TMTC3: variants seen among roughly 807,000 people sequenced by gnomAD.
The protein encoded by TMTC3 is protein O-mannosyl-transferase TMTC3.
Under a neutral mutation model 92.2 loss-of-function variants are expected in TMTC3, and 52 were observed. The observed-to-expected ratio is 0.56, with a 90% CI of 0.45 to 0.71. The LOEUF (loss-of-function observed/expected upper bound fraction) is 0.71. TMTC3 is among the 30% of genes least tolerant of loss of function. The pLI is 0.00. For missense variants in TMTC3, 896 were observed against 1,057.1 expected (o/e 0.85, Z 2.11); for synonymous variants, 339 against 363.3 (o/e 0.93, Z 0.76).
At chr12:88,148,617 A>G in intron 2 of TMTC3, 113 bp downstream of exon 2, 1 of 799,774 alleles carries the variant, frequency 1.3e-6, no homozygotes, top group Non-Finnish European at 1.9e-6. Context: ...ACAGATTTTT[A>G]ACCCTAAAAT....
intron 10 of TMTC3, among the ~76,000 whole-genome samples, chr12:88,184,866 TA>T (rs2041358628): frequency 6.6e-6 from 1 of 151,994 alleles, no homozygotes; most frequent in Non-Finnish European, 1.5e-5. Context: ...ATAAAAGCTA[TA>T]AAAAGGGCAT....
intron 10 of TMTC3, among the ~76,000 whole-genome samples, chr12:88,185,721 A>T (rs28705052): frequency 0.12 from 18,095 of 148,188 alleles, 2,014 homozygotes; most frequent in African/African-American, 0.29. Flanking sequence ...GCCTTTCTTA[A>T]TTCTTCATTT....
intron 1 of TMTC3, among the ~76,000 whole-genome samples, chr12:88,143,040 C>T (rs1477150910): frequency 1.3e-5 from 2 of 152,090 alleles, no homozygotes; most frequent in Admixed American, 6.5e-5. Context: ...AAGTTTTGCT[C>T]ATCCTGCTCG....
At chr12:88,192,028 C>CTTTTTTTTTTTTTTTT (rs112229647) in intron 12 of TMTC3, among the ~76,000 whole-genome samples, 1 of 123,032 alleles carries the variant, frequency 8.1e-6, no homozygotes, top group African/African-American at 3.0e-5. Flanking sequence ...TTTTTTTTTT[C>CTTTTTTTTTTTTTTTT]TTTTTTTTTT....
intron 7 of TMTC3, among the ~76,000 whole-genome samples, chr12:88,166,815 C>A (rs1003753756): frequency 6.6e-6 from 1 of 152,066 alleles, no homozygotes; most frequent in African/African-American, 2.4e-5. Flanking sequence ...CTAGATTATA[C>A]ACTTTTTGAA....
chr12:88,146,117 T>G (rs2040870234), intron 1 of TMTC3, among the ~76,000 whole-genome samples: 1 of 152,176 alleles, frequency 6.6e-6, no homozygotes, highest in Non-Finnish European at 1.5e-5. Flanking sequence ...CGTCTGCCTA[T>G]GCCTTTGTGT....
At chr12:88,153,817 T>C (rs1425269649) in intron 3 of TMTC3, among the ~76,000 whole-genome samples, 1 of 152,054 alleles carries the variant, frequency 6.6e-6, no homozygotes, top group Non-Finnish European at 1.5e-5. Flanking sequence ...ATGAACAAGA[T>C]TTCTAAGGAC....
Position 88,166,461 on chromosome 12 carries a change from C to T in TMTC3, c.929C>T (p.Pro310Leu), listed in dbSNP as rs2041144831. Residue 310 changes from proline to leucine, a missense_variant, in exon 7 of 14, where the codon CCA (proline) becomes CTA (leucine). By Grantham distance (98) the Pro-to-Leu change is moderately conservative (BLOSUM62 -3). Transcript: ENST00000266712. ...TGTGATTGGACCATGGGAACAATAC[C>T]ACTTATAGAGTCATTACTAGATATT... ...LCCDWTMGTI[P>L]LIESLLDIRN... is the part of the protein sequence containing the mutation. The T allele has an allele frequency of 6.2e-7, 1 of 1,613,630 alleles. No individual in the cohort carries two copies. Among genetic ancestry groups the T allele is most frequent in the South Asian group, 1.1e-5 (1 of 91,074 alleles).
At chr12:88,187,426 T>C (rs1025248250) in intron 10 of TMTC3, among the ~76,000 whole-genome samples, 4 of 152,192 alleles carry the variant, frequency 2.6e-5, no homozygotes, top group African/African-American at 9.6e-5. Context: ...TATGTTTTGA[T>C]GGACCTAGGT....
chr12:88,173,940 G>A (rs1216064692), intron 8 of TMTC3, among the ~76,000 whole-genome samples: 1 of 152,022 alleles, frequency 6.6e-6, no homozygotes, highest in Non-Finnish European at 1.5e-5. Context: ...ATACTTGTGT[G>A]TTCTAGTTAA....
At chr12:88,184,633 G>A (rs1183466655) in intron 10 of TMTC3, among the ~76,000 whole-genome samples, 1 of 152,230 alleles carries the variant, frequency 6.6e-6, no homozygotes, top group South Asian at 2.1e-4. Flanking sequence ...CATTGGGCAC[G>A]TATTTGAGAA....
chr12:88,160,603 T>C, intron 5 of TMTC3, 76 bp from the exon 6 acceptor site: 1 of 1,276,316 alleles, frequency 7.8e-7, no homozygotes. Flanking sequence ...AATCTTGCAA[T>C]TAGAAAGTAC....
At chr12:88,164,838 C>T (rs978726581) in intron 6 of TMTC3, among the ~76,000 whole-genome samples, 3 of 152,138 alleles carry the variant, frequency 2.0e-5, no homozygotes, top group Admixed American at 2.0e-4. Flanking sequence ...GATATTTTCA[C>T]ATAACTATCC....
At chr12:88,155,607 C>T (rs1380806230) in intron 4 of TMTC3, among the ~76,000 whole-genome samples, 1 of 152,112 alleles carries the variant, frequency 6.6e-6, no homozygotes, top group Non-Finnish European at 1.5e-5. Flanking sequence ...AATTTTCTTC[C>T]CTTAGATCTT....
chr12:88,198,505 T>TATTA lies in TMTC3; in HGVS notation c.*2858_*2861dup. On this transcript the variant is annotated 3_prime_UTR_variant, in exon 14 of 14. Coordinates refer to ENST00000266712, the MANE Select transcript of TMTC3 (RefSeq NM_181783.4). ...CTGGAATTGCACCTACATGTTTTCT[T>TATTA]ATTAACATTCAGAATTGGGAATATT... 1 of 397,584 alleles carries TATTA rather than the reference T, an allele frequency of 2.5e-6. No homozygotes were observed. The highest frequency in any genetic ancestry group is 4.4e-6 in the Non-Finnish European group (1 of 225,244). The allele number at this position is 397,584 out of a possible 1,614,324, so 24.6% of individuals were successfully genotyped here.
At chr12:88,153,248 G>T in intron 2 of TMTC3, 43 bp from the exon 3 acceptor site, 2 of 1,424,192 alleles carry the variant, frequency 1.4e-6, no homozygotes, top group South Asian at 2.6e-5. Flanking sequence ...TACCCTGTTG[G>T]ACCAAGGTAC....
At position 88,195,353 on chromosome 12, in the gene TMTC3, A is replaced by C. The variant is rs1436921626; in HGVS notation, c.2449A>C (p.Lys817Gln). The change falls in exon 14 of 14, where the codon AAG becomes CAG. Residue 817 changes from lysine to glutamine, a missense_variant. Lys to Gln is a moderately conservative substitution (Grantham distance 53). Coordinates refer to ENST00000266712, the MANE Select transcript of TMTC3 (RefSeq NM_181783.4). ...GCGCCATTTGAATATAGTCAGGGATAAGATTTCCTCATCTAGTTTTATAGA... is the reference window on the plus strand; with the variant it reads ...GCGCCATTTGAATATAGTCAGGGATCAGATTTCCTCATCTAGTTTTATAGA... ...IQRHLNIVRD[K>Q]ISSSSFIEPI... 1.2e-6 allele frequency: 2 copies of C among 1,613,852 alleles called. No individual in the cohort carries two copies. The highest frequency in any genetic ancestry group is 1.7e-6 in the Non-Finnish European group (2 of 1,179,914).
chr12:88,185,333 A>ACT (rs1009049368), intron 10 of TMTC3, among the ~76,000 whole-genome samples: 1 of 146,698 alleles, frequency 6.8e-6, no homozygotes, highest in East Asian at 2.0e-4. Context: ...TACTCTATGG[A>ACT]CTCTCTCTTT....
At chr12:88,167,210 C>T (rs1469038657) in intron 7 of TMTC3, among the ~76,000 whole-genome samples, 1 of 151,864 alleles carries the variant, frequency 6.6e-6, no homozygotes, top group South Asian at 2.1e-4. Flanking sequence ...GCCTGGTCAA[C>T]CTGGTGAAAC....
Sources: allele counts gnomAD v4.1 joint callset (sites outside exome capture counted in the v4.1 genomes callset), GRCh38; gene constraint gnomAD v4.1.1; transcripts MANE v1.5; gene names NCBI Gene and HGNC (gene_info 2026-07-23, HGNC 2026-07-21).